ITPR2: variants seen among roughly 807,000 people sequenced by gnomAD.
ITPR2 encodes inositol 1,4,5-trisphosphate receptor type 2.
In ITPR2, 207 loss-of-function variants were observed where a neutral mutation model predicts 317.1. The observed-to-expected ratio is 0.65, with a 90% CI of 0.58 to 0.73. The LOEUF is 0.73. Ranked by LOEUF, ITPR2 falls within the 30% of genes least tolerant of loss-of-function variation. The pLI is 0.00. For synonymous variants in ITPR2, 1,156 were observed against 1,149.1 expected (o/e 1.01, Z -0.12); for missense variants, 2,613 against 3,284.0 (o/e 0.80, Z 4.99).
chr12:26,724,672 T>A lies in ITPR2; in HGVS notation c.350A>T (p.Tyr117Phe). The part of the protein sequence containing the change: ...NKKLLGEIVK[Y>F]SNVIQLLHIK... The stretch of plus-strand genomic sequence containing the variant: ...AATACTTACTTGTATAACATTACTG[T>A]ATTTTACAATTTCTCCCAACAGTTT... Residue 117 changes from tyrosine (Y) to phenylalanine (F), a missense_variant, in exon 4 of 57, where the codon TAC becomes TTC. Tyr to Phe is a conservative substitution (Grantham distance 22). Transcript: ENST00000381340. 1 of 1,587,040 alleles carries A rather than the reference T, an allele frequency of 6.3e-7. No homozygotes were observed. Among genetic ancestry groups the A allele is most frequent in the Non-Finnish European group, 8.6e-7 (1 of 1,157,654 alleles).
At chr12:26,395,876 C>T (rs150432046) in intron 54 of ITPR2, among the ~76,000 whole-genome samples, 14 of 152,212 alleles carry the variant, frequency 9.2e-5, no homozygotes, top group East Asian at 7.7e-4. Flanking sequence ...TGGATGTTGA[C>T]GGGAGCCAAG....
intron 39 of ITPR2, among the ~76,000 whole-genome samples, chr12:26,490,677 G>A (rs1030271221): frequency 2.0e-5 from 3 of 152,196 alleles, no homozygotes; most frequent in African/African-American, 4.8e-5. Context: ...GTCAGGCATG[G>A]TAGTGGGTGC....
chr12:26,596,613 C>T (rs1328690603), intron 31 of ITPR2, among the ~76,000 whole-genome samples: 3 of 147,540 alleles, frequency 2.0e-5, no homozygotes, highest in African/African-American at 7.6e-5. Flanking sequence ...TGCCATCGCA[C>T]TCCAGCCTGG....
chr12:26,572,910 A>G (rs759958126), intron 34 of ITPR2, among the ~76,000 whole-genome samples: 1 of 152,248 alleles, frequency 6.6e-6, no homozygotes, highest in East Asian at 1.9e-4. Flanking sequence ...CCATAGTTCT[A>G]GTTTATATGT....
At chr12:26,801,759 C>T (rs544864119) in intron 1 of ITPR2, among the ~76,000 whole-genome samples, 1 of 152,164 alleles carries the variant, frequency 6.6e-6, no homozygotes, top group Non-Finnish European at 1.5e-5. Flanking sequence ...AGTCAGACTG[C>T]AGATGCCAGT....
chr12:26,448,640 G>A (rs1286639778), intron 45 of ITPR2, among the ~76,000 whole-genome samples: 1 of 152,124 alleles, frequency 6.6e-6, no homozygotes, highest in East Asian at 1.9e-4. Context: ...ACAGATTAGT[G>A]AGGAGGGGAT....
chr12:26,800,161 C>T (rs1293588401), intron 1 of ITPR2, among the ~76,000 whole-genome samples: 1 of 152,030 alleles, frequency 6.6e-6, no homozygotes, highest in Non-Finnish European at 1.5e-5. Flanking sequence ...CCAGTGGCTA[C>T]ACATAGCTGT....
At chr12:26,375,402 T>G (rs147751569) in intron 55 of ITPR2, among the ~76,000 whole-genome samples, 169 of 152,336 alleles carry the variant, frequency 1.1e-3, no homozygotes, top group Non-Finnish European at 2.1e-3. Context: ...ACATTTGGGT[T>G]TGCAGCATAA....
intron 34 of ITPR2, among the ~76,000 whole-genome samples, chr12:26,569,780 T>A (rs1945109242): frequency 6.6e-6 from 1 of 152,160 alleles, no homozygotes; most frequent in Admixed American, 6.5e-5. Flanking sequence ...TACAAAAATA[T>A]TTTTACTTAC....
intron 34 of ITPR2, among the ~76,000 whole-genome samples, chr12:26,577,329 G>A (rs1377985900): frequency 6.6e-6 from 1 of 152,198 alleles, no homozygotes; most frequent in Admixed American, 6.5e-5. Flanking sequence ...GGTGAGGAGG[G>A]TATGTGCAAA....
intron 21 of ITPR2, among the ~76,000 whole-genome samples, chr12:26,646,400 G>GA (rs1287794424): frequency 6.6e-6 from 1 of 151,734 alleles, no homozygotes; most frequent in African/African-American, 2.4e-5. Context: ...TATGCTGCCA[G>GA]AAAAAGCACT....
At chr12:26,561,243 C>A (rs1944810135) in intron 35 of ITPR2, among the ~76,000 whole-genome samples, 2 of 152,184 alleles carry the variant, frequency 1.3e-5, no homozygotes, top group Admixed American at 6.5e-5. Flanking sequence ...ATACCTTGAT[C>A]TTGGACTTCT....
At chr12:26,487,011 C>A (rs1322755785) in intron 40 of ITPR2, 57 bp downstream of exon 40, 4 of 1,416,124 alleles carry the variant, frequency 2.8e-6, no homozygotes, top group East Asian at 4.6e-5. Flanking sequence ...GAGATTTAAA[C>A]GCTATTCCCC....
intron 32 of ITPR2, among the ~76,000 whole-genome samples, chr12:26,584,772 G>A (rs1384227389): frequency 6.6e-6 from 1 of 152,164 alleles, no homozygotes; most frequent in East Asian, 1.9e-4. Context: ...CAGTTGGGAA[G>A]CGGCTACTCT....
intron 31 of ITPR2, among the ~76,000 whole-genome samples, chr12:26,595,982 T>C (rs1945833405): frequency 6.6e-6 from 1 of 152,166 alleles, no homozygotes; most frequent in African/African-American, 2.4e-5. Flanking sequence ...GCAATGTACA[T>C]TCCTGGATGC....
At position 26,652,888 on chromosome 12, in the gene ITPR2, A is replaced by C. The variant is rs1222091076; in HGVS notation, c.2740+1088T>G. On this transcript the variant is annotated intron_variant, in intron 21 of 56. Transcript: ENST00000381340. ...ATATACCTTCTGCAAACAAGCCTCT[A>C]GATCAGGGTGTTTTTAGGGTATCCA... Among the ~76,000 whole-genome samples the C allele has an allele frequency of 3.3e-5, 5 of 152,226 alleles. No homozygotes were observed. The South Asian group carries it at 1.0e-3, about 31-fold the overall frequency.
chr12:26,387,349 A>C, intron 55 of ITPR2, 85 bp downstream of exon 55: 1 of 1,258,582 alleles, frequency 7.9e-7, no homozygotes, highest in South Asian at 1.4e-5. Context: ...TACAATCTTC[A>C]TATTTTGGGA....
At chr12:26,502,508 C>T (rs1431140578) in intron 37 of ITPR2, among the ~76,000 whole-genome samples, 3 of 152,150 alleles carry the variant, frequency 2.0e-5, no homozygotes, top group Non-Finnish European at 2.9e-5. Flanking sequence ...GTCCCTGGTA[C>T]ACAGTATAAA....
chr12:26,361,785 A>G (rs909282937), intron 55 of ITPR2, among the ~76,000 whole-genome samples: 3 of 152,242 alleles, frequency 2.0e-5, no homozygotes, highest in African/African-American at 4.8e-5. Context: ...CAACATTTCA[A>G]TAACATGCCT....
Sources: allele counts gnomAD v4.1 joint callset (sites outside exome capture counted in the v4.1 genomes callset), GRCh38; gene constraint gnomAD v4.1.1; transcripts MANE v1.5; gene names NCBI Gene and HGNC (gene_info 2026-07-23, HGNC 2026-07-21).